SYNE1: variants seen among roughly 807,000 people sequenced by gnomAD.
SYNE1 encodes the protein nesprin-1.
Under a neutral mutation model 1,111.0 loss-of-function variants are expected in SYNE1, and 616 were observed. That is an observed-to-expected ratio of 0.55 (90% CI 0.52 to 0.59). The LOEUF is 0.59. Among genes scored for constraint, SYNE1 ranks in the 20% least tolerant of loss-of-function variants. SYNE1 has a pLI of 0.00. For synonymous variants in SYNE1, 3,855 were observed against 3,825.8 expected (o/e 1.01, Z -0.28); for missense variants, 10,006 against 10,417.0 (o/e 0.96, Z 1.72).
rs751450784 is a variant in SYNE1 at position 152,213,701 on chromosome 6, T to C, written c.22405A>G (p.Met7469Val). Residue 7469 changes from methionine (M) to valine (V), a missense_variant, in exon 123 of 146, where the codon ATG (methionine) becomes GTG (valine). Met to Val is a conservative substitution (Grantham distance 21). Coordinates refer to ENST00000367255, the MANE Select transcript of SYNE1 (RefSeq NM_182961.4). ...QTFLEKCETWMEFLVQTEQKL... is the reference protein window; with the variant it reads ...QTFLEKCETWVEFLVQTEQKL... ...TGTTCTGTCTGAACTAGGAATTCCA[T>C]CCATGTTTCACATTTTTCCAAGAAA... The C allele has an allele frequency of 1.8e-5, 29 of 1,614,036 alleles. No homozygotes were observed. Among genetic ancestry groups the C allele is most frequent in the Non-Finnish European group, 2.5e-5 (29 of 1,180,012 alleles).
chr6:152,345,448 GA>G (rs1340739980), intron 73 of SYNE1, among the ~76,000 whole-genome samples: 9 of 151,822 alleles, frequency 5.9e-5, no homozygotes, highest in Admixed American at 5.9e-4. Context: ...CTTTGAAGGT[GA>G]TTTTTTTTTA....
At chr6:152,591,115 T>G (rs1276555571) in intron 3 of SYNE1, among the ~76,000 whole-genome samples, 1 of 152,212 alleles carries the variant, frequency 6.6e-6, no homozygotes, top group Non-Finnish European at 1.5e-5. Context: ...TTTGGGTAGG[T>G]GCATTCCTGG....
At chr6:152,527,625 A>G (rs1037988739) in intron 4 of SYNE1, among the ~76,000 whole-genome samples, 2 of 152,202 alleles carry the variant, frequency 1.3e-5, no homozygotes, top group African/African-American at 2.4e-5. Context: ...AACCACTTGT[A>G]CCCAAATTAT....
chr6:152,178,886 A>C (rs2067146560), intron 129 of SYNE1, among the ~76,000 whole-genome samples: 1 of 151,682 alleles, frequency 6.6e-6, no homozygotes, highest in African/African-American at 2.4e-5. Context: ...AGCACTGTGG[A>C]AACAACACTG....
At position 152,135,193 on chromosome 6, in the gene SYNE1, C is replaced by A; in HGVS notation, c.25699G>T (p.Glu8567Ter). The A allele has an allele frequency of 6.2e-7, 1 of 1,614,086 alleles. No homozygotes were observed. Among genetic ancestry groups the A allele is most frequent in the Non-Finnish European group, 8.5e-7 (1 of 1,180,006 alleles). ...TCATTTTTCCTTCTGTCAATGTTCT[C>A]CAGCATAAGAAGCAAACCATGGCTC... Reference protein sequence around the residue: ...EMSHGLLLMLENIDRRKNEIV... With the variant: ...EMSHGLLLML The change falls in exon 142 of 146, where the codon GAG (glutamate) becomes TAG (stop). Residue 8567 changes from glutamate to a stop codon, truncating the protein, a stop_gained. Coordinates refer to ENST00000367255, the MANE Select transcript of SYNE1 (RefSeq NM_182961.4). LOFTEE classifies it high-confidence loss of function.
chr6:152,359,640 G>A (rs970011080), intron 64 of SYNE1, among the ~76,000 whole-genome samples, 182 bp from the exon 65 acceptor site: 1 of 151,946 alleles, frequency 6.6e-6, no homozygotes, highest in Non-Finnish European at 1.5e-5. Context: ...GTGTGTGTGT[G>A]TGTGTGTGTG....
At chr6:152,568,880 A>G (rs574714205) in intron 3 of SYNE1, among the ~76,000 whole-genome samples, 1 of 152,370 alleles carries the variant, frequency 6.6e-6, no homozygotes, top group South Asian at 2.1e-4. Flanking sequence ...TATGAAATAA[A>G]GTTTTACATT....
intron 93 of SYNE1, among the ~76,000 whole-genome samples, chr6:152,297,509 G>A (rs1467451301): frequency 6.6e-6 from 1 of 152,098 alleles, no homozygotes; most frequent in Non-Finnish European, 1.5e-5. Flanking sequence ...ACTGCTTTTC[G>A]TCTTCATCCT....
intron 120 of SYNE1, 132 bp downstream of exon 120, chr6:152,218,870 GT>G: frequency 1.0e-6 from 1 of 973,114 alleles, no homozygotes; most frequent in Non-Finnish European, 1.6e-6. Flanking sequence ...GAACTTCCAA[GT>G]TTGTTTACTT....
chr6:152,218,923 A>G, intron 120 of SYNE1, 80 bp downstream of exon 120: 1 of 1,438,152 alleles, frequency 7.0e-7, no homozygotes, highest in Non-Finnish European at 9.7e-7. Flanking sequence ...TTGCCATGAC[A>G]AGGAATTCTT....
At chr6:152,253,843 T>G (rs1246233289) in intron 104 of SYNE1, among the ~76,000 whole-genome samples, 1 of 94,192 alleles carries the variant, frequency 1.1e-5, no homozygotes, top group African/African-American at 4.6e-5. Flanking sequence ...TTTTTTTTTT[T>G]TTTTTTTTTT....
chr6:152,605,008 G>GAAAGAAAGAAAGAA (rs1451861419), intron 3 of SYNE1, among the ~76,000 whole-genome samples: 8 of 28,794 alleles, frequency 2.8e-4, no homozygotes, highest in East Asian at 1.1e-3. Flanking sequence ...AAGAAAGAAA[G>GAAAGAAAGAAAGAA]AGAGAGAGAG....
chr6:152,632,795 T>A (rs1317554680), intron 2 of SYNE1, among the ~76,000 whole-genome samples: 1 of 152,206 alleles, frequency 6.6e-6, no homozygotes, highest in Non-Finnish European at 1.5e-5. Context: ...TTAATTTTTT[T>A]AAAAGATAAA....
At chr6:152,528,996 G>A (rs1309266012) in intron 4 of SYNE1, among the ~76,000 whole-genome samples, 1 of 152,192 alleles carries the variant, frequency 6.6e-6, no homozygotes, top group Non-Finnish European at 1.5e-5. Flanking sequence ...TAGTGTCTCT[G>A]AGATTCAGAT....
At chr6:152,328,949 T>C (rs2096168678) in intron 78 of SYNE1, among the ~76,000 whole-genome samples, 1 of 152,208 alleles carries the variant, frequency 6.6e-6, no homozygotes. Context: ...AAAATGTGGC[T>C]TATTGGCAAG....
intron 119 of SYNE1, among the ~76,000 whole-genome samples, chr6:152,219,502 A>C (rs1308972050): frequency 6.6e-6 from 1 of 151,822 alleles, no homozygotes; most frequent in Non-Finnish European, 1.5e-5. Context: ...AGAAAAAAAA[A>C]AAAAACAAAC....
chr6:152,441,183 A>C lies in SYNE1; in HGVS notation c.4096T>G (p.Phe1366Val). ...LFQTGSSHER[F>V]LSFSSLESLS... ...CTTTCCAAACTGCTAAAACTCAAGA[A>C]GCGTTCATGACTGGAACCTGTTTGA... is the stretch of plus-strand genomic sequence containing the variant. Residue 1366 changes from phenylalanine (F) to valine (V), a missense_variant, in exon 32 of 146, where the codon TTC becomes GTC. Coordinates refer to ENST00000367255, the MANE Select transcript of SYNE1 (RefSeq NM_182961.4). 6.8e-6 allele frequency: 11 copies of C among 1,613,690 alleles called. No individual in the cohort carries two copies. Among genetic ancestry groups the C allele is most frequent in the Non-Finnish European group, 9.3e-6 (11 of 1,179,798 alleles).
At chr6:152,425,608 G>A (rs931550069) in intron 38 of SYNE1, 61 bp from the exon 39 acceptor site, 50 of 1,590,324 alleles carry the variant, frequency 3.1e-5, no homozygotes, top group South Asian at 1.3e-4. Context: ...AGGACCATGC[G>A]GCACAGGCGG....
chr6:152,295,615 GAC>G (rs57149645), intron 93 of SYNE1, among the ~76,000 whole-genome samples: 9,403 of 150,308 alleles, frequency 0.063, 426 homozygotes, highest in African/African-American at 0.12. Flanking sequence ...GTGTGTTACT[GAC>G]ACACACACAC....
Sources: allele counts gnomAD v4.1 joint callset (sites outside exome capture counted in the v4.1 genomes callset), GRCh38; gene constraint gnomAD v4.1.1; transcripts MANE v1.5; gene names NCBI Gene and HGNC (gene_info 2026-07-23, HGNC 2026-07-21).